TRPC4: variants seen among roughly 807,000 people sequenced by gnomAD.
TRPC4 encodes the protein transient receptor potential cation channel subfamily C member 4.
TRPC4 carries 49 observed loss-of-function variants against 99.4 expected under a neutral mutation model. The observed-to-expected ratio is 0.49, with a 90% CI of 0.39 to 0.63. TRPC4 has a LOEUF of 0.63. TRPC4 is among the 20% of genes least tolerant of loss of function. TRPC4 has a pLI of 0.00. For synonymous variants in TRPC4, 454 were observed against 425.9 expected, an observed-to-expected ratio of 1.07 and a Z score of -0.81; for missense variants, 898 against 1,152.9, an observed-to-expected ratio of 0.78 and a Z score of 3.20.
At chr13:37,713,304 C>T in intron 3 of TRPC4, among the ~76,000 whole-genome samples, 1 of 152,188 alleles carries the variant, frequency 6.6e-6, no homozygotes. Flanking sequence ...GTATTACTTA[C>T]ATGACCACGT....
chr13:37,656,781 CCAGGCAATAA>C (rs1423711802), intron 6 of TRPC4, among the ~76,000 whole-genome samples: 3 of 152,210 alleles, frequency 2.0e-5, no homozygotes, highest in Non-Finnish European at 4.4e-5. Flanking sequence ...GATGAATAAG[CCAGGCAATAA>C]GTAAACTCGG....
intron 3 of TRPC4, among the ~76,000 whole-genome samples, chr13:37,692,583 C>T (rs1953752974): frequency 6.6e-6 from 1 of 152,120 alleles, no homozygotes; most frequent in African/African-American, 2.4e-5. Flanking sequence ...TGTGGCTGCA[C>T]TTGAGGAAGC....
intron 5 of TRPC4, among the ~76,000 whole-genome samples, chr13:37,668,451 TA>T (rs539623065): frequency 1.6e-4 from 24 of 152,250 alleles, no homozygotes; most frequent in South Asian, 4.1e-4. Flanking sequence ...ATAGACATAT[TA>T]AAAAACAAAG....
At chr13:37,731,066 A>T (rs1375261085) in intron 3 of TRPC4, among the ~76,000 whole-genome samples, 1 of 152,034 alleles carries the variant, frequency 6.6e-6, no homozygotes, top group Admixed American at 6.6e-5. Flanking sequence ...AAAATTCTAT[A>T]TATTATATTT....
At chr13:37,844,815 G>A (rs534095675) in intron 1 of TRPC4, among the ~76,000 whole-genome samples, 16 of 152,284 alleles carry the variant, frequency 1.1e-4, no homozygotes, top group African/African-American at 3.6e-4. Flanking sequence ...GCAAGTCTAA[G>A]TCCATGCACA....
intron 4 of TRPC4, among the ~76,000 whole-genome samples, chr13:37,680,644 G>A (rs1180172806): frequency 1.3e-5 from 2 of 152,124 alleles, no homozygotes; most frequent in African/African-American, 2.4e-5. Context: ...TTGGATCTTT[G>A]ATAAGAAAAG....
chr13:37,667,761 AT>A (rs1272566302), intron 5 of TRPC4, among the ~76,000 whole-genome samples: 1 of 152,190 alleles, frequency 6.6e-6, no homozygotes, highest in African/African-American at 2.4e-5. Context: ...TTTAACTGCC[AT>A]TTGGCTCTAA....
intron 1 of TRPC4, among the ~76,000 whole-genome samples, chr13:37,829,992 G>C (rs1593277608): frequency 1.3e-5 from 2 of 152,166 alleles, no homozygotes; most frequent in East Asian, 3.9e-4. Context: ...ATGGGGCTGA[G>C]TGCAGTGGGT....
chr13:37,713,699 G>A (rs1053085608), intron 3 of TRPC4, among the ~76,000 whole-genome samples: 24 of 152,152 alleles, frequency 1.6e-4, no homozygotes, highest in Admixed American at 3.3e-4. Context: ...AAAGGAGAAG[G>A]TGGACTCCCA....
chr13:37,684,455 A>T (rs948915095), intron 4 of TRPC4, among the ~76,000 whole-genome samples: 2 of 152,166 alleles, frequency 1.3e-5, no homozygotes, highest in African/African-American at 2.4e-5. Flanking sequence ...ATAGCTTATC[A>T]CCTAAAAATA....
intron 7 of TRPC4, among the ~76,000 whole-genome samples, chr13:37,653,687 C>T (rs1435530160): frequency 6.6e-6 from 1 of 152,024 alleles, no homozygotes; most frequent in Non-Finnish European, 1.5e-5. Context: ...CCTAGAAAAG[C>T]ACACCTCACA....
At chr13:37,698,370 C>T (rs919330500) in intron 3 of TRPC4, among the ~76,000 whole-genome samples, 1 of 151,006 alleles carries the variant, frequency 6.6e-6, no homozygotes, top group Non-Finnish European at 1.5e-5. Flanking sequence ...ACTGTGTGAG[C>T]CAGGATGGTC....
chr13:37,650,543 G>T (rs967376986), intron 8 of TRPC4, among the ~76,000 whole-genome samples: 2 of 151,680 alleles, frequency 1.3e-5, no homozygotes. Flanking sequence ...ATGGCTCTGG[G>T]CAGTCCCCGC....
chr13:37,646,086 G>T (rs1306080323), intron 8 of TRPC4, among the ~76,000 whole-genome samples: 2 of 152,202 alleles, frequency 1.3e-5, no homozygotes, highest in Non-Finnish European at 2.9e-5. Context: ...CATGTACTAT[G>T]AGCATTTTTT....
chr13:37,673,679 A>G (rs1281837582), intron 5 of TRPC4, among the ~76,000 whole-genome samples: 1 of 152,198 alleles, frequency 6.6e-6, no homozygotes, highest in Non-Finnish European at 1.5e-5. Context: ...TTGATGGTGT[A>G]CAAAATCTGG....
At chr13:37,823,440 A>G (rs1337856319) in intron 1 of TRPC4, among the ~76,000 whole-genome samples, 2 of 140,442 alleles carry the variant, frequency 1.4e-5, no homozygotes, top group African/African-American at 5.2e-5. Flanking sequence ...TCTTGAATTG[A>G]TTTTTGTATA....
At chr13:37,779,936 C>T (rs576139744) in intron 2 of TRPC4, among the ~76,000 whole-genome samples, 2 of 152,188 alleles carry the variant, frequency 1.3e-5, no homozygotes, top group African/African-American at 4.8e-5. Context: ...GATGATTTAA[C>T]TTCATCATTT....
intron 1 of TRPC4, among the ~76,000 whole-genome samples, chr13:37,855,132 G>C (rs1959153365): frequency 6.6e-6 from 1 of 151,578 alleles, no homozygotes; most frequent in Admixed American, 6.6e-5. Context: ...AAAATAAAGG[G>C]TTGGAAAAAG....
intron 1 of TRPC4, among the ~76,000 whole-genome samples, chr13:37,838,868 T>C (rs1422616114): frequency 1.3e-5 from 2 of 152,164 alleles, no homozygotes; most frequent in African/African-American, 4.8e-5. Flanking sequence ...TCAGTACTTC[T>C]GTCCACGATT....
Sources: gnomAD v4.1 joint callset for allele counts (sites outside exome capture counted in the v4.1 genomes callset) on GRCh38, gnomAD v4.1.1 for gene constraint, MANE v1.5 for transcripts, NCBI Gene and HGNC (gene_info 2026-07-23, HGNC 2026-07-21) for gene names.